PGD: variants seen among roughly 807,000 people sequenced by gnomAD.
The protein encoded by PGD is phosphogluconate dehydrogenase.
A neutral mutation model predicts 60.4 loss-of-function variants in PGD; 21 were observed. The ratio of observed to expected loss-of-function variants is 0.35; its 90% CI spans 0.25 to 0.50. PGD has a LOEUF of 0.50. Ranked by LOEUF, PGD falls within the 20% of genes least tolerant of loss-of-function variation. The probability of loss-of-function intolerance (pLI) is 0.98; values close to 1 mark genes in which losing one functional copy is unlikely to be tolerated. For missense variants in PGD, 477 were observed against 613.1 expected (o/e 0.78, Z 2.34); for synonymous variants, 230 against 235.9 (o/e 0.97, Z 0.23).
Position 10,408,022 on chromosome 1 carries a change from C to G in PGD, c.450-49C>G, listed in dbSNP as rs199867952. On this transcript the variant is annotated intron_variant, in intron 5 of 12. Transcript: ENST00000270776. ...ATGTTGGTGTCTATGGGTATGGGCT[C>G]TCAGCCCGTCTCTTCTCATTAACTG... The G allele has an allele frequency of 1.5e-4, 168 of 1,094,636 alleles. 1 individual carries two copies. Among genetic ancestry groups the G allele is most frequent in the Middle Eastern group, 5.9e-4 (3 of 5,094 alleles). 67.8% of individuals were successfully genotyped at this position (1,094,636 alleles called of 1,614,324 possible).
intron 11 of PGD, 114 bp downstream of exon 11, chr1:10,419,039 C>G (rs367826433): frequency 3.0e-6 from 2 of 663,942 alleles, no homozygotes; most frequent in Non-Finnish European, 5.3e-6. Flanking sequence ...GACAGAGTCT[C>G]GCTCTGTCAC....
Position 10,411,522 on chromosome 1 carries a change from G to A in PGD, c.624G>A (p.Val208=). ...AGGCATACCACCTGATGAAAGACGT[G>A]CTGGGCATGGCGCAGGACGAGATGG... The part of the protein sequence containing the change: ...ICEAYHLMKD[V]LGMAQDEMAQ... The change falls in exon 7 of 13, where the codon GTG becomes GTA. Residue 208 remains valine (V), a synonymous_variant. Coordinates refer to ENST00000270776, the MANE Select transcript of PGD (RefSeq NM_002631.4). 6.2e-7 allele frequency: 1 copy of A among 1,613,960 alleles called. No individual in the cohort carries two copies. Among genetic ancestry groups the A allele is most frequent in the Middle Eastern group, 1.6e-4 (1 of 6,062 alleles).
intron 3 of PGD, among the ~76,000 whole-genome samples, chr1:10,401,907 T>C (rs930920638): frequency 6.6e-6 from 1 of 151,870 alleles, no homozygotes; most frequent in African/African-American, 2.4e-5. Context: ...CCCAGCTACT[T>C]GGGAGGCTGA....
intron 5 of PGD, among the ~76,000 whole-genome samples, chr1:10,405,846 A>G (rs1639395182): frequency 1.3e-5 from 2 of 151,960 alleles, no homozygotes; most frequent in South Asian, 2.1e-4. Context: ...AGTAAAAAAG[A>G]AAAAATGATT....
chr1:10,405,856 T>A (rs1353854084), intron 5 of PGD, among the ~76,000 whole-genome samples: 1 of 151,982 alleles, frequency 6.6e-6, no homozygotes, highest in Non-Finnish European at 1.5e-5. Context: ...AAAAAATGAT[T>A]CTTTTTTTGA....
At chr1:10,406,818 G>A (rs540688761) in intron 5 of PGD, among the ~76,000 whole-genome samples, 18 of 152,140 alleles carry the variant, frequency 1.2e-4, no homozygotes, top group Non-Finnish European at 2.6e-4. Context: ...TCTCAAAAAC[G>A]CTGCCTGGTT....
At chr1:10,412,879 G>A in intron 7 of PGD, 183 bp from the exon 8 acceptor site, 1 of 570,018 alleles carries the variant, frequency 1.8e-6, no homozygotes, top group South Asian at 2.3e-5. Context: ...ACCAGGTTCA[G>A]AACAAACACA....
Position 10,399,695 on chromosome 1 carries a change from C to T in PGD, c.75C>T (p.His25=), listed in dbSNP as rs545251517. ...ACTTAATTCTGAACATGAATGACCA[C>T]GGCTTTGTGGTAAGCGGCGTGGGCG... ...GQNLILNMND[H]GFVVCAFNRT... Residue 25 remains histidine, a synonymous_variant, in exon 2 of 13, where the codon CAC becomes CAT. Coordinates refer to ENST00000270776, the MANE Select transcript of PGD (RefSeq NM_002631.4). 9 of 1,613,998 alleles carry T rather than the reference C, an allele frequency of 5.6e-6. No individual in the cohort carries two copies. The highest frequency in any genetic ancestry group is 4.5e-5 in the East Asian group (2 of 44,882).
chr1:10,399,267 A>C (rs1639267602), intron 1 of PGD, 142 bp downstream of exon 1: 2 of 992,756 alleles, frequency 2.0e-6, no homozygotes, highest in Non-Finnish European at 3.0e-6. Flanking sequence ...CCCTGGCCCT[A>C]CGGCGTCTCG....
At chr1:10,419,031 C>T in intron 11 of PGD, 106 bp downstream of exon 11, 1 of 694,934 alleles carries the variant, frequency 1.4e-6, no homozygotes, top group South Asian at 1.7e-5. Context: ...TTTTTTGAGA[C>T]AGAGTCTCGC....
intron 9 of PGD, 35 bp downstream of exon 9, chr1:10,417,152 T>TC: frequency 6.2e-7 from 1 of 1,612,012 alleles, no homozygotes; most frequent in Non-Finnish European, 8.5e-7. Context: ...TCTTTGTTGG[T>TC]CCTGCGGAAG....
In PGD at chr1:10,417,768, G is replaced by C. The variant is rs117270389; in HGVS notation, c.1109+259G>C. Among the ~76,000 whole-genome samples, 129 of 152,176 alleles carry C rather than the reference G, an allele frequency of 8.5e-4. 1 individual carries two copies. In the East Asian group the frequency reaches 0.024, roughly 28 times the overall value. Reference sequence around the variant, plus strand: ...CTTATTGCCCAAACTGGAGTGCCATGATGCGATCTTGACTCACTGCAACCT... The same window carrying C: ...CTTATTGCCCAAACTGGAGTGCCATCATGCGATCTTGACTCACTGCAACCT... On this transcript the variant is annotated intron_variant, in intron 10 of 12. Transcript: ENST00000270776.
At chr1:10,414,657 G>A (rs1461718059) in intron 8 of PGD, among the ~76,000 whole-genome samples, 1 of 151,968 alleles carries the variant, frequency 6.6e-6, no homozygotes, top group African/African-American at 2.4e-5. Flanking sequence ...GATTGCAGGC[G>A]TGAGCCACCA....
intron 10 of PGD, among the ~76,000 whole-genome samples, chr1:10,417,858 C>T (rs761761868): frequency 3.3e-5 from 5 of 152,254 alleles, no homozygotes; most frequent in Middle Eastern, 6.8e-3. Flanking sequence ...TACAAGGGCA[C>T]GCCACCATGT....
At chr1:10,399,310 C>T (rs899633485) in intron 1 of PGD, among the ~76,000 whole-genome samples, 185 bp downstream of exon 1, 4 of 152,250 alleles carry the variant, frequency 2.6e-5, no homozygotes, top group Non-Finnish European at 4.4e-5. Context: ...GGCCCGGCCC[C>T]CTGCCCTCTC....
intron 2 of PGD, 163 bp downstream of exon 2, chr1:10,399,867 T>C (rs761191954): frequency 3.1e-6 from 2 of 647,118 alleles, no homozygotes; most frequent in African/African-American, 1.8e-5. Flanking sequence ...CCTGTAGGCG[T>C]GGGCGGGCCG....
At position 10,399,072 on chromosome 1, in the gene PGD, C is replaced by A. The variant is rs373806571; in HGVS notation, c.-46C>A. 1 of 1,608,460 alleles carries A rather than the reference C, an allele frequency of 6.2e-7. No individual in the cohort carries two copies. The highest frequency in any genetic ancestry group is 2.2e-5 in the East Asian group (1 of 44,836). On this transcript the variant is annotated 5_prime_UTR_variant, in exon 1 of 13. Transcript: ENST00000270776. Reference sequence around the variant, plus strand: ...AGCCGCTGCGGGTCTTTCCCTCACTCGTCCTCCGCGCGTCGCCGCTCTTCG... The same window carrying A: ...AGCCGCTGCGGGTCTTTCCCTCACTAGTCCTCCGCGCGTCGCCGCTCTTCG...
Position 10,404,149 on chromosome 1 carries a change from TC to T in PGD, c.331-11del, listed in dbSNP as rs750511688. The T allele has an allele frequency of 2.6e-6, 4 of 1,555,166 alleles. No individual in the cohort carries two copies. In the East Asian group the frequency reaches 9.0e-5, roughly 35 times the overall value. On this transcript the variant is annotated splice_polypyrimidine_tract_variant and intron_variant, in intron 4 of 12. Coordinates refer to ENST00000270776, the MANE Select transcript of PGD (RefSeq NM_002631.4). ...CATGGAAGCATAATGAAATTATTTT[TC>T]TGTCCTTCAGAGACGGTGCCGAGAC...
intron 4 of PGD, among the ~76,000 whole-genome samples, chr1:10,403,831 C>A (rs4846219): frequency 0.55 from 83,815 of 152,018 alleles, 24,297 homozygotes; most frequent in African/African-American, 0.74. Flanking sequence ...AGTTGTATTA[C>A]ACCTACTCTT....
Sources: gnomAD v4.1 joint callset for allele counts (sites outside exome capture counted in the v4.1 genomes callset) on GRCh38, gnomAD v4.1.1 for gene constraint, MANE v1.5 for transcripts, NCBI Gene and HGNC (gene_info 2026-07-23, HGNC 2026-07-21) for gene names.